Variants in ARHGEF18 observed in about 807,000 individuals in gnomAD.
The protein encoded by ARHGEF18 is rho guanine nucleotide exchange factor 18.
A neutral mutation model predicts 155.7 loss-of-function variants in ARHGEF18; 93 were observed. The ratio of observed to expected loss-of-function variants is 0.60; its 90% CI spans 0.50 to 0.71. The LOEUF (loss-of-function observed/expected upper bound fraction) is 0.71, where lower values mean the gene tolerates loss of function less well. Ranked by LOEUF, ARHGEF18 falls within the 30% of genes least tolerant of loss-of-function variation. The pLI, the probability that ARHGEF18 is intolerant of heterozygous loss-of-function variation, is 0.00. For missense variants in ARHGEF18, 1,593 were observed against 1,816.1 expected, an observed-to-expected ratio of 0.88 and a Z score of 2.23; for synonymous variants, 742 against 753.1, an observed-to-expected ratio of 0.99 and a Z score of 0.24.
downstream of ARHGEF18, among the ~76,000 whole-genome samples, chr19:7,475,849 G>A (rs998436922): frequency 6.6e-6 from 1 of 152,230 alleles, no homozygotes; most frequent in African/African-American, 2.4e-5. Context: ...CTAGGGGCTG[G>A]GAAGGAGGCC....
In ARHGEF18 at chr19:7,467,127, G is replaced by T; in HGVS notation, c.3009+9G>T. The T allele has an allele frequency of 6.3e-7, 1 of 1,593,864 alleles. No individual in the cohort carries two copies. The highest frequency in any genetic ancestry group is 8.6e-7 in the Non-Finnish European group (1 of 1,166,210). On this transcript the variant is annotated intron_variant, in intron 25 of 28. Coordinates refer to ENST00000668164, the MANE Select transcript of ARHGEF18 (RefSeq NM_001367823.1). Reference sequence around the variant, plus strand: ...TGCTCCTGAACCTTCAGGTACAGGGGCGGGGTGGGGCCGGCCACGCGTGCC... The same window carrying T: ...TGCTCCTGAACCTTCAGGTACAGGGTCGGGGTGGGGCCGGCCACGCGTGCC...
At chr19:7,383,327 C>T (rs778226435) in intron 10 of ARHGEF18, 124 bp downstream of exon 10, 10 of 1,110,490 alleles carry the variant, frequency 9.0e-6, no homozygotes, top group Admixed American at 4.2e-5. Flanking sequence ...GCCCTCTCCT[C>T]GGCGGCTCCC....
At chr19:7,373,477 GTTTTTGT>G (rs1424786962) in intron 3 of ARHGEF18, among the ~76,000 whole-genome samples, 11 of 95,650 alleles carry the variant, frequency 1.2e-4, no homozygotes, top group East Asian at 3.2e-4. Flanking sequence ...TTTTTTTTTT[GTTTTTGT>G]TTTTTTTTTG....
At chr19:7,398,263 G>T (rs910781996) in intron 10 of ARHGEF18, among the ~76,000 whole-genome samples, 5 of 151,872 alleles carry the variant, frequency 3.3e-5, no homozygotes, top group Non-Finnish European at 5.9e-5. Context: ...TAGAGGCGGG[G>T]TTTCGCCATG....
At position 7,467,423 on chromosome 19, in the gene ARHGEF18, G is replaced by T; in HGVS notation, c.3219G>T (p.Glu1073Asp). 6.5e-7 allele frequency: 1 copy of T among 1,531,824 alleles called. No individual in the cohort carries two copies. Among genetic ancestry groups the T allele is most frequent in the African/African-American group, 1.4e-5 (1 of 73,022 alleles). 94.9% of individuals were successfully genotyped at this position (1,531,824 alleles called of 1,614,324 possible). A position where few individuals can be genotyped will look rare whatever the true frequency, so the allele number is the denominator to read the frequency against. The change falls in exon 26 of 29, where the codon GAG becomes GAT. Residue 1073 changes from glutamate (E) to aspartate (D), a missense_variant. Coordinates refer to ENST00000668164, the MANE Select transcript of ARHGEF18 (RefSeq NM_001367823.1). ...ACGAGCAGCAGCGCTGGGAGCGCGA[G>T]CGCCAGTGGCAGCACCAGGAGCTGG... is the stretch of plus-strand genomic sequence containing the variant. Reference protein sequence around the residue: ...LRHEQQRWERERQWQHQELER... With the variant: ...LRHEQQRWERDRQWQHQELER...
At chr19:7,460,238 C>G (rs1052887572) in intron 20 of ARHGEF18, among the ~76,000 whole-genome samples, 1 of 152,046 alleles carries the variant, frequency 6.6e-6, no homozygotes, top group Non-Finnish European at 1.5e-5. Flanking sequence ...AGGACCTGAG[C>G]CCCTTCCAGA....
At chr19:7,351,928 CAGGTG>C (rs1309028481) in intron 1 of ARHGEF18, among the ~76,000 whole-genome samples, 2 of 152,082 alleles carry the variant, frequency 1.3e-5, no homozygotes, top group African/African-American at 4.8e-5. Context: ...TTCCTGACCT[CAGGTG>C]ATCCACCTGC....
chr19:7,477,315 A>G, downstream of ARHGEF18: 1 of 1,561,332 alleles, frequency 6.4e-7, no homozygotes. Flanking sequence ...CGGCCGGCCC[A>G]CAGCACGCCC....
chr19:7,356,286 T>TC (rs1568260187), intron 1 of ARHGEF18, among the ~76,000 whole-genome samples: 1 of 147,754 alleles, frequency 6.8e-6, no homozygotes, highest in East Asian at 1.9e-4. Context: ...TTTTTTTTTT[T>TC]CTGAGACCGA....
chr19:7,460,080 C>T lies in ARHGEF18; in HGVS notation c.2452+86C>T. On this transcript the variant is annotated intron_variant, in intron 20 of 28. Coordinates refer to ENST00000668164, the MANE Select transcript of ARHGEF18 (RefSeq NM_001367823.1). ...GGACTGGCCACAGAGGGTGAACTGC[C>T]CCCCAGGTGACCCGGTGTTTTCCCG... The T allele has an allele frequency of 4.6e-6, 6 of 1,301,760 alleles. No homozygotes were observed. In the South Asian group the frequency reaches 7.8e-5, roughly 17 times the overall value. The allele number at this position is 1,301,760 out of a possible 1,614,324, so 80.6% of individuals were successfully genotyped here.
chr19:7,434,786 T>C (rs938372026), intron 10 of ARHGEF18, among the ~76,000 whole-genome samples: 1 of 152,216 alleles, frequency 6.6e-6, no homozygotes, highest in Non-Finnish European at 1.5e-5. Flanking sequence ...GGTGTGAGTT[T>C]GTTGGTTGAG....
chr19:7,377,752 C>T (rs900410636), intron 5 of ARHGEF18, among the ~76,000 whole-genome samples: 7 of 148,896 alleles, frequency 4.7e-5, no homozygotes, highest in East Asian at 2.0e-4. Context: ...GGCAGGACTG[C>T]GCTCCGCTCT....
At chr19:7,469,495 C>T (rs920626083) in intron 27 of ARHGEF18, among the ~76,000 whole-genome samples, 1 of 152,174 alleles carries the variant, frequency 6.6e-6, no homozygotes, top group African/African-American at 2.4e-5. Flanking sequence ...TCCACAGAGC[C>T]GTTCCACAGA....
chr19:7,431,972 T>G (rs1257748046), intron 10 of ARHGEF18, among the ~76,000 whole-genome samples: 1 of 152,164 alleles, frequency 6.6e-6, no homozygotes, highest in Admixed American at 6.6e-5. Context: ...TGTTTTTTGT[T>G]TTTGGATAGT....
intron 2 of ARHGEF18, among the ~76,000 whole-genome samples, chr19:7,366,907 T>C (rs999232776): frequency 7.3e-5 from 11 of 150,922 alleles, no homozygotes; most frequent in Admixed American, 2.0e-4. Flanking sequence ...GGACTACAGG[T>C]GCACGCCACC....
At chr19:7,477,262 T>A (rs1300710549), downstream of ARHGEF18, 1 of 1,584,476 alleles carries the variant, frequency 6.3e-7, no homozygotes, top group Non-Finnish European at 8.6e-7. Flanking sequence ...TGCTGAGGAT[T>A]GAGGAGATGG....
rs763154096 is a variant in ARHGEF18 at position 7,458,498 on chromosome 19, C to G, written c.2182-14C>G. The G allele has an allele frequency of 1.2e-6, 2 of 1,612,718 alleles. No individual in the cohort carries two copies. The highest frequency in any genetic ancestry group is 3.3e-5 in the Admixed American group (2 of 59,950). On this transcript the variant is annotated splice_polypyrimidine_tract_variant and intron_variant, in intron 18 of 28. Coordinates refer to ENST00000668164, the MANE Select transcript of ARHGEF18 (RefSeq NM_001367823.1). ...GGTAAAGGGTGACCTCCCCAATGCC[C>G]TCTACTCATGCAGGACTCAAAGCCA...
intron 9 of ARHGEF18, 33 bp from the exon 10 acceptor site, chr19:7,383,029 G>A (rs1970819588): frequency 1.6e-6 from 2 of 1,232,216 alleles, no homozygotes; most frequent in South Asian, 4.1e-5. Flanking sequence ...TGCCTGCAGA[G>A]GGCATCCTGA....
At chr19:7,356,547 T>C (rs1969315266) in intron 1 of ARHGEF18, among the ~76,000 whole-genome samples, 1 of 152,050 alleles carries the variant, frequency 6.6e-6, no homozygotes, top group Admixed American at 6.6e-5. Context: ...GTGCTGGGAT[T>C]ATAGGTGTGA....
Sources: allele counts gnomAD v4.1 joint callset (sites outside exome capture counted in the v4.1 genomes callset), GRCh38; gene constraint gnomAD v4.1.1; transcripts MANE v1.5; gene names NCBI Gene and HGNC (gene_info 2026-07-23, HGNC 2026-07-21).